TMEM168: variants seen among roughly 807,000 people sequenced by gnomAD.
TMEM168 encodes transmembrane protein 168.
In TMEM168, 40 loss-of-function variants were observed where a neutral mutation model predicts 53.2. The ratio of observed to expected loss-of-function variants is 0.75; its 90% CI spans 0.58 to 0.98. TMEM168 has a LOEUF of 0.98. TMEM168 is among the 50% of genes least tolerant of loss of function. The probability of loss-of-function intolerance (pLI) is 0.00; values close to 1 mark genes in which losing one functional copy is unlikely to be tolerated. For synonymous variants in TMEM168, 282 were observed against 293.0 expected (o/e 0.96, Z 0.38); for missense variants, 771 against 828.8 (o/e 0.93, Z 0.86).
In TMEM168 at chr7:112,772,939, T is replaced by C. The variant is rs1562862424; in HGVS notation, c.1388A>G (p.Tyr463Cys). 2.5e-6 allele frequency: 4 copies of C among 1,614,094 alleles called. No individual in the cohort carries two copies. Among genetic ancestry groups the C allele is most frequent in the East Asian group, 2.2e-5 (1 of 44,870 alleles). Residue 463 changes from tyrosine (Y) to cysteine (C), a missense_variant, in exon 4 of 5, where the codon TAT (tyrosine) becomes TGT (cysteine). Coordinates refer to ENST00000312814, the MANE Select transcript of TMEM168 (RefSeq NM_022484.6). ...TCCACTTGTGGAATAGTCACATCCA[T>C]AGGTCTCAATCATATGATATGCAAA... ...RFFAYHMIETYGCDYSTSGLS... is the reference protein window; with the variant it reads ...RFFAYHMIETCGCDYSTSGLS...
intron 2 of TMEM168, among the ~76,000 whole-genome samples, chr7:112,777,032 T>C (rs943893170): frequency 6.6e-6 from 1 of 152,128 alleles, no homozygotes; most frequent in African/African-American, 2.4e-5. Context: ...CACCTTTCTA[T>C]GGGGTTGACC....
At chr7:112,777,658 A>C (rs897349796) in intron 2 of TMEM168, among the ~76,000 whole-genome samples, 1 of 152,056 alleles carries the variant, frequency 6.6e-6, no homozygotes, top group Non-Finnish European at 1.5e-5. Flanking sequence ...AGCTTTGTCT[A>C]ATGTTATGTT....
Position 112,768,803 on chromosome 7 carries a change from C to T in TMEM168, c.1547-1059G>A, listed in dbSNP as rs115597709. Among the ~76,000 whole-genome samples the T allele has an allele frequency of 1.4e-3, 211 of 151,556 alleles. 1 individual carries two copies. Among genetic ancestry groups the T allele is most frequent in the African/African-American group, 5.0e-3 (208 of 41,322 alleles). On this transcript the variant is annotated intron_variant, in intron 4 of 4. Coordinates refer to ENST00000312814, the MANE Select transcript of TMEM168 (RefSeq NM_022484.6). ...CTTAAGGAAAGAACAGACATAGGGA[C>T]AAAAAATTACAAAAAAAGACGACCT...
At position 112,767,698 on chromosome 7, in the gene TMEM168, T is replaced by C. The variant is rs753428838; in HGVS notation, c.1593A>G (p.Glu531=). 22 of 1,613,930 alleles carry C rather than the reference T, an allele frequency of 1.4e-5. No homozygotes were observed. The East Asian group carries it at 4.5e-4, about 33-fold the overall frequency. Residue 531 remains glutamate, a synonymous_variant, in exon 5 of 5, where the codon GAA becomes GAG. Coordinates refer to ENST00000312814, the MANE Select transcript of TMEM168 (RefSeq NM_022484.6). ...GCCGGGAACAAAAGGAACCATTCTT[T>C]TCTCTCCACCATTCTATAAGTGTGT... The part of the protein sequence containing the change: ...RLDTLIEWWR[E]KNGSFCSRLI...
In TMEM168 at chr7:112,784,831, C is replaced by T; in HGVS notation, c.-6G>A. 1 of 1,553,986 alleles carries T rather than the reference C, an allele frequency of 6.4e-7. No homozygotes were observed. On this transcript the variant is annotated 5_prime_UTR_variant, in exon 2 of 5. Coordinates refer to ENST00000312814, the MANE Select transcript of TMEM168 (RefSeq NM_022484.6). The stretch of plus-strand genomic sequence containing the variant: ...TAACGCAGTGATTTACACATGTAAC[C>T]AGCAATGTGGGCTTTTCCCTCACGT...
intron 2 of TMEM168, 148 bp downstream of exon 2, chr7:112,783,546 ACATT>A (rs1793286061): frequency 1.3e-6 from 1 of 777,736 alleles, no homozygotes. Context: ...CTCTTGAAAC[ACATT>A]CAGTGCTTCA....
chr7:112,784,608 A>T lies in TMEM168; in HGVS notation c.218T>A (p.Phe73Tyr). ...GAGTATGCTGGCGATTCCAAGAACA[A>T]AAAGACCAAGAATAAAAATTACCAA... ...LILVIFILGLFVLGIASILYY... is the reference protein window; with the variant it reads ...LILVIFILGLYVLGIASILYY... Residue 73 changes from phenylalanine to tyrosine, a missense_variant, in exon 2 of 5, where the codon TTT becomes TAT. Physicochemically the swap from Phe to Tyr is conservative, Grantham distance 22. Transcript: ENST00000312814. 2 of 1,612,392 alleles carry T rather than the reference A, an allele frequency of 1.2e-6. No individual in the cohort carries two copies. The highest frequency in any genetic ancestry group is 1.7e-6 in the Non-Finnish European group (2 of 1,179,536).
At chr7:112,774,697 C>T (rs1211216873) in intron 3 of TMEM168, among the ~76,000 whole-genome samples, 2 of 152,038 alleles carry the variant, frequency 1.3e-5, no homozygotes, top group Non-Finnish European at 2.9e-5. Context: ...TCTCCTGCCT[C>T]AGCCTCCTGA....
intron 1 of TMEM168, among the ~76,000 whole-genome samples, chr7:112,789,047 G>T (rs1793471514): frequency 2.0e-5 from 3 of 152,112 alleles, no homozygotes; most frequent in African/African-American, 4.8e-5. Flanking sequence ...TGCCTTATCT[G>T]TTACCAGTTT....
At chr7:112,773,154 G>T in intron 3 of TMEM168, 99 bp from the exon 4 acceptor site, 2 of 1,275,670 alleles carry the variant, frequency 1.6e-6, no homozygotes, top group South Asian at 1.9e-5. Context: ...TATAGTTGCT[G>T]CTAAGTGGCA....
Position 112,772,771 on chromosome 7 carries a change from G to T in TMEM168, c.1546+10C>A, listed in dbSNP as rs746807727. On this transcript the variant is annotated intron_variant, in intron 4 of 4. Coordinates refer to ENST00000312814, the MANE Select transcript of TMEM168 (RefSeq NM_022484.6). ...CTTTACAATAGTGAAACTGCCAAAG[G>T]TGAGTTTACCTGCTAGAGCCCACTC... 4.4e-6 allele frequency: 7 copies of T among 1,607,052 alleles called. No individual in the cohort carries two copies. The Admixed American group carries it at 1.2e-4, about 27-fold the overall frequency.
At chr7:112,775,897 G>C (rs545997743) in intron 2 of TMEM168, among the ~76,000 whole-genome samples, 4 of 151,898 alleles carry the variant, frequency 2.6e-5, no homozygotes, top group Non-Finnish European at 2.9e-5. Flanking sequence ...AATTTTAACA[G>C]AAGAAAATAT....
intron 1 of TMEM168, among the ~76,000 whole-genome samples, chr7:112,786,876 C>T (rs937459521): frequency 6.6e-6 from 1 of 152,146 alleles, no homozygotes; most frequent in Non-Finnish European, 1.5e-5. Context: ...TGCATTCTCA[C>T]CAGATGACTC....
Position 112,772,875 on chromosome 7 carries a change from G to A in TMEM168, c.1452C>T (p.Phe484=). 6.2e-7 allele frequency: 1 copy of A among 1,614,086 alleles called. No homozygotes were observed. The highest frequency in any genetic ancestry group is 1.1e-5 in the South Asian group (1 of 91,082). Residue 484 remains phenylalanine, a synonymous_variant, in exon 4 of 5, where the codon TTC becomes TTT. Transcript: ENST00000312814. ...GTCCATCCACTGTCCGAAGTTCGAGGAAAGCTTTTAGTTTGGAATGCAGAG... is the reference window on the plus strand; with the variant it reads ...GTCCATCCACTGTCCGAAGTTCGAGAAAAGCTTTTAGTTTGGAATGCAGAG... ...FDTLHSKLKA[F]LELRTVDGPR...
At position 112,784,645 on chromosome 7, in the gene TMEM168, T is replaced by C. The variant is rs1358669684; in HGVS notation, c.181A>G (p.Asn61Asp). The C allele has an allele frequency of 1.9e-6, 3 of 1,612,034 alleles. No individual in the cohort carries two copies. The highest frequency in any genetic ancestry group is 2.2e-5 in the East Asian group (1 of 44,862). The change falls in exon 2 of 5, where the codon AAT becomes GAT. Residue 61 changes from asparagine to aspartate, a missense_variant. Physicochemically the swap from Asn to Asp is conservative, Grantham distance 23. Transcript: ENST00000312814. ...GLYVRWEKTA[N>D]SLILVIFILG... The stretch of plus-strand genomic sequence containing the variant: ...ATAAAAATTACCAAAATTAAGGAAT[T>C]TGCTGTTTTTTCCCATCTTACGTAT...
chr7:112,770,437 T>C (rs978675195), intron 4 of TMEM168, among the ~76,000 whole-genome samples: 1 of 152,194 alleles, frequency 6.6e-6, no homozygotes, highest in African/African-American at 2.4e-5. Context: ...AGGAATTCTG[T>C]AACGGTCAAT....
chr7:112,767,273 A>G lies in TMEM168; in HGVS notation c.2018T>C (p.Leu673Ser), dbSNP rs749700725. 11 of 1,614,152 alleles carry G rather than the reference A, an allele frequency of 6.8e-6. No individual in the cohort carries two copies. The highest frequency in any genetic ancestry group is 9.3e-6 in the Non-Finnish European group (11 of 1,180,002). ...FWICKTCFRC[L>S]KRLKMSWFLP... ...AAACCAACTCATTTTTAATCTTTTC[A>G]AGCACCTAAAACAAGTTTTGCAGAT... Residue 673 changes from leucine to serine, a missense_variant, in exon 5 of 5, where the codon TTG becomes TCG. By Grantham distance (145) the Leu-to-Ser change is moderately radical. Transcript: ENST00000312814.
intron 3 of TMEM168, 146 bp from the exon 4 acceptor site, chr7:112,773,201 A>G (rs1792977160): frequency 6.4e-6 from 5 of 785,962 alleles, no homozygotes; most frequent in South Asian, 4.6e-5. Flanking sequence ...TAAAATTCCT[A>G]TAGTACTGAG....
intron 2 of TMEM168, among the ~76,000 whole-genome samples, chr7:112,780,646 C>A (rs554447906): frequency 6.6e-6 from 1 of 152,144 alleles, no homozygotes; most frequent in East Asian, 1.9e-4. Context: ...ACTGCTTGAG[C>A]GCAGGAGGTC....
Sources: gnomAD v4.1 joint callset for allele counts (sites outside exome capture counted in the v4.1 genomes callset) on GRCh38, gnomAD v4.1.1 for gene constraint, MANE v1.5 for transcripts, NCBI Gene and HGNC (gene_info 2026-07-23, HGNC 2026-07-21) for gene names.